Variants in ATG7 observed in about 807,000 individuals in gnomAD.
ATG7 encodes autophagy related 7, also known as ubiquitin-like modifier-activating enzyme ATG7.
Under a neutral mutation model 82.4 loss-of-function variants are expected in ATG7, and 70 were observed. That is an observed-to-expected ratio of 0.85 (90% CI 0.70 to 1.04). The LOEUF (loss-of-function observed/expected upper bound fraction) is 1.04, where lower values mean the gene tolerates loss of function less well. ATG7 is among the 50% of genes least tolerant of loss of function. The pLI, the probability that ATG7 is intolerant of heterozygous loss-of-function variation, is 0.00. For missense variants in ATG7, 792 were observed against 864.3 expected, an observed-to-expected ratio of 0.92 and a Z score of 1.05; for synonymous variants, 287 against 313.0, an observed-to-expected ratio of 0.92 and a Z score of 0.88.
chr3:11,318,518 C>T (rs1949756146), intron 9 of ATG7, among the ~76,000 whole-genome samples: 1 of 152,198 alleles, frequency 6.6e-6, no homozygotes. Flanking sequence ...TTCATGCTGC[C>T]TTTCCTACCT....
chr3:11,419,555 AAAAC>A (rs1249084239), intron 19 of ATG7, among the ~76,000 whole-genome samples: 4 of 151,852 alleles, frequency 2.6e-5, no homozygotes, highest in African/African-American at 4.9e-5. Flanking sequence ...CTCTTGTCTC[AAAAC>A]AAACAAAAAA....
At chr3:11,416,664 ATTGT>A (rs1379125589) in intron 19 of ATG7, among the ~76,000 whole-genome samples, 15 of 151,926 alleles carry the variant, frequency 9.9e-5, no homozygotes, top group South Asian at 6.2e-4. Flanking sequence ...GGTTTTATTG[ATTGT>A]TTGTTTCTCC....
chr3:11,403,356 A>G (rs1315543394), intron 19 of ATG7, among the ~76,000 whole-genome samples: 1 of 150,800 alleles, frequency 6.6e-6, no homozygotes, highest in African/African-American at 2.4e-5. Flanking sequence ...TTAATCTCTT[A>G]AGGGTATTGG....
intron 1 of ATG7, chr3:11,277,510 G>C (rs540032796): frequency 6.6e-6 from 1 of 152,438 alleles, no homozygotes; most frequent in Non-Finnish European, 1.5e-5. Context: ...GGGCCTCTGG[G>C]GGTGACATCA....
intron 20 of ATG7, among the ~76,000 whole-genome samples, chr3:11,484,775 T>C (rs2089435518): frequency 1.3e-5 from 2 of 152,152 alleles, no homozygotes; most frequent in African/African-American, 4.8e-5. Flanking sequence ...TTCCCACCTA[T>C]GAGTGAGAAT....
intron 20 of ATG7, among the ~76,000 whole-genome samples, chr3:11,454,809 A>C (rs898412277): frequency 6.6e-6 from 1 of 152,252 alleles, no homozygotes; most frequent in Non-Finnish European, 1.5e-5. Context: ...GATGTTCATC[A>C]AATGCTAATG....
At position 11,360,754 on chromosome 3, in the gene ATG7, C is replaced by A; in HGVS notation, c.1653C>A (p.Tyr551Ter). The change falls in exon 16 of 21, where the codon TAC (tyrosine) becomes TAA (stop). Residue 551 changes from tyrosine to a stop codon, truncating the protein, a stop_gained. Transcript: ENST00000693202. LOFTEE classifies it high-confidence loss of function. ...TCCCTGGTTACAAGCTTGGCTGCTA[C>A]TTCTGCAATGATGTGGTGGCCCCAG... ...ANIPGYKLGC[Y>*]FCNDVVAPGD... The A allele has an allele frequency of 6.2e-7, 1 of 1,614,184 alleles. No individual in the cohort carries two copies. The highest frequency in any genetic ancestry group is 2.2e-5 in the East Asian group (1 of 44,888).
chr3:11,431,328 G>T (rs903770582), intron 20 of ATG7, among the ~76,000 whole-genome samples: 15 of 152,242 alleles, frequency 9.9e-5, no homozygotes, highest in African/African-American at 3.6e-4. Context: ...TTGAACCCGG[G>T]AGGTGGAGGC....
intron 18 of ATG7, among the ~76,000 whole-genome samples, chr3:11,378,421 G>A (rs867592467): frequency 5.3e-5 from 8 of 150,762 alleles, no homozygotes; most frequent in Admixed American, 1.3e-4. Context: ...GGTGGCTCAC[G>A]CCCGTAACCC....
In ATG7 at chr3:11,557,212, T is replaced by A. The variant is rs2072517981; in HGVS notation, c.*2369T>A. On this transcript the variant is annotated 3_prime_UTR_variant, in exon 21 of 21. Transcript: ENST00000693202. ...GTCTGTCATGCTTGCTTCATCTAAT[T>A]TCTAGTTAGTAGCTATTAATATAGC... The A allele has an allele frequency of 6.5e-6, 1 of 152,734 alleles. No homozygotes were observed. The highest frequency in any genetic ancestry group is 1.5e-5 in the Non-Finnish European group (1 of 68,038). The allele number at this position is 152,734 out of a possible 1,614,324, so 9.5% of individuals were successfully genotyped here.
chr3:11,505,989 C>T (rs948320990), intron 20 of ATG7, among the ~76,000 whole-genome samples: 10 of 152,170 alleles, frequency 6.6e-5, no homozygotes, highest in African/African-American at 2.2e-4. Context: ...GTCACAGGGG[C>T]ATTATGAGTA....
chr3:11,293,725 C>G (rs566948243), intron 3 of ATG7, among the ~76,000 whole-genome samples: 1 of 151,876 alleles, frequency 6.6e-6, no homozygotes, highest in South Asian at 2.1e-4. Context: ...GTGGCTCACG[C>G]CTGTAATCCC....
At chr3:11,381,903 T>TTTA (rs1428125599) in intron 19 of ATG7, among the ~76,000 whole-genome samples, 1 of 152,254 alleles carries the variant, frequency 6.6e-6, no homozygotes, top group African/African-American at 2.4e-5. Context: ...CATTCTCTAT[T>TTTA]ATCTGCAAAC....
At chr3:11,312,048 A>G (rs922142262) in intron 7 of ATG7, among the ~76,000 whole-genome samples, 4 of 151,764 alleles carry the variant, frequency 2.6e-5, no homozygotes, top group African/African-American at 9.7e-5. Flanking sequence ...GCTAATATGT[A>G]TGAGATTTCT....
intron 20 of ATG7, among the ~76,000 whole-genome samples, chr3:11,484,575 G>A (rs2089405641): frequency 6.6e-6 from 1 of 152,104 alleles, no homozygotes; most frequent in African/African-American, 2.4e-5. Flanking sequence ...TATACTTTAA[G>A]TTTTAGGGTA....
At chr3:11,366,078 C>T (rs1342937041) in intron 18 of ATG7, among the ~76,000 whole-genome samples, 7 of 151,830 alleles carry the variant, frequency 4.6e-5, no homozygotes, top group East Asian at 1.9e-4. Context: ...ATTAGCTGAG[C>T]GTGATAGTGT....
chr3:11,515,022 G>A (rs2092223109), intron 20 of ATG7, among the ~76,000 whole-genome samples: 1 of 151,826 alleles, frequency 6.6e-6, no homozygotes, highest in Non-Finnish European at 1.5e-5. Flanking sequence ...TGTGTTTTTA[G>A]TAGAGACAGG....
the ATG7 span, among the ~76,000 whole-genome samples, chr3:11,562,991 G>C: frequency 5.9e-5 from 9 of 152,236 alleles, no homozygotes; most frequent in Non-Finnish European, 1.3e-4. Context: ...AGGGAGACAG[G>C]GTAAAGAGAG....
At chr3:11,513,688 C>T (rs1321945436) in intron 20 of ATG7, among the ~76,000 whole-genome samples, 2 of 152,216 alleles carry the variant, frequency 1.3e-5, no homozygotes, top group Admixed American at 6.5e-5. Context: ...GAAAGGGGCT[C>T]CCACAGTGCA....
Sources: gnomAD v4.1 joint callset for allele counts (sites outside exome capture counted in the v4.1 genomes callset) on GRCh38, gnomAD v4.1.1 for gene constraint, MANE v1.5 for transcripts, NCBI Gene and HGNC (gene_info 2026-07-23, HGNC 2026-07-21) for gene names.